GPC6: variants seen among roughly 807,000 people sequenced by gnomAD.
GPC6 encodes glypican 6.
Under a neutral mutation model 55.2 loss-of-function variants are expected in GPC6, and 14 were observed. That is an observed-to-expected ratio of 0.25 (90% CI 0.17 to 0.40). The LOEUF is 0.40. GPC6 is among the 10% of genes least tolerant of loss of function. The probability of loss-of-function intolerance (pLI) is 1.00; values close to 1 mark genes in which losing one functional copy is unlikely to be tolerated. For missense variants in GPC6, 641 were observed against 708.5 expected (o/e 0.90, Z 1.08); for synonymous variants, 278 against 259.6 (o/e 1.07, Z -0.68).
chr13:94,138,939 A>G (rs1486853117), intron 4 of GPC6, among the ~76,000 whole-genome samples: 2 of 152,158 alleles, frequency 1.3e-5, no homozygotes, highest in African/African-American at 2.4e-5. Context: ...ATAACTTACT[A>G]TATACCGGGA....
chr13:93,419,949 A>C (rs1876865686), intron 1 of GPC6, among the ~76,000 whole-genome samples: 1 of 152,112 alleles, frequency 6.6e-6, no homozygotes, highest in South Asian at 2.1e-4. Flanking sequence ...TAAGAAGGAA[A>C]GATTAATTGT....
chr13:94,236,789 T>G (rs1018775295), intron 4 of GPC6, among the ~76,000 whole-genome samples: 1 of 152,072 alleles, frequency 6.6e-6, no homozygotes, highest in Non-Finnish European at 1.5e-5. Context: ...GTCTAAACTC[T>G]GAGGTAGAAA....
At chr13:93,354,409 GGCGC>G (rs1372954170) in intron 1 of GPC6, among the ~76,000 whole-genome samples, 5 of 143,440 alleles carry the variant, frequency 3.5e-5, no homozygotes, top group African/African-American at 1.3e-4. Flanking sequence ...GGAGTGCAGT[GGCGC>G]GATCTCAGCT....
intron 3 of GPC6, among the ~76,000 whole-genome samples, chr13:93,940,619 ATGGAATGTGTGAACG>A (rs1276223384): frequency 6.6e-5 from 10 of 152,194 alleles, no homozygotes; most frequent in Non-Finnish European, 1.5e-4. Context: ...CACCAAACAA[ATGGAATGTGTGAACG>A]TTGTTTGTAT....
chr13:94,165,928 G>A (rs1888353094), intron 4 of GPC6, among the ~76,000 whole-genome samples: 1 of 152,084 alleles, frequency 6.6e-6, no homozygotes, highest in African/African-American at 2.4e-5. Flanking sequence ...CATATTTTGT[G>A]TATATGAATT....
intron 3 of GPC6, among the ~76,000 whole-genome samples, chr13:93,923,689 T>A (rs1877694730): frequency 6.6e-6 from 1 of 152,190 alleles, no homozygotes; most frequent in South Asian, 2.1e-4. Flanking sequence ...ATGTTTTCGC[T>A]ATTCAGATAG....
chr13:93,441,788 T>C (rs1333639928), intron 1 of GPC6, among the ~76,000 whole-genome samples: 2 of 152,218 alleles, frequency 1.3e-5, no homozygotes, highest in Non-Finnish European at 2.9e-5. Context: ...TCCTGAATGG[T>C]ATTGCCTAGA....
intron 4 of GPC6, among the ~76,000 whole-genome samples, chr13:94,040,252 A>G (rs890638004): frequency 2.6e-5 from 4 of 151,812 alleles, no homozygotes; most frequent in African/African-American, 9.7e-5. Flanking sequence ...CAAGAATATC[A>G]CAAAGCAGCC....
rs144137814 is a variant in GPC6 at position 93,544,551 on chromosome 13, G to A, written c.161-712G>A. Among the ~76,000 whole-genome samples the A allele has an allele frequency of 2.6e-3, 390 of 152,280 alleles. 1 individual carries two copies. The highest frequency in any genetic ancestry group is 9.1e-3 in the African/African-American group (377 of 41,566). ...TAACAGGCCATTTTAATTTCATGAA[G>A]CAAAGGATTGGCTTCTACTTGCAAA... On this transcript the variant is annotated intron_variant, in intron 1 of 8. Transcript: ENST00000377047.
intron 1 of GPC6, among the ~76,000 whole-genome samples, chr13:93,410,190 A>G (rs1876442808): frequency 6.6e-6 from 1 of 152,178 alleles, no homozygotes; most frequent in African/African-American, 2.4e-5. Context: ...CTTCTCTCAG[A>G]TAGGAATCTT....
intron 2 of GPC6, among the ~76,000 whole-genome samples, chr13:93,804,715 C>T (rs1033823316): frequency 5.3e-5 from 8 of 152,104 alleles, no homozygotes; most frequent in Non-Finnish European, 8.8e-5. Context: ...TTCGCCTATC[C>T]CAAATCAACC....
At chr13:94,073,716 C>A (rs930267391) in intron 4 of GPC6, among the ~76,000 whole-genome samples, 61 of 152,128 alleles carry the variant, frequency 4.0e-4, no homozygotes, top group African/African-American at 1.5e-3. Flanking sequence ...TCCTGGACCG[C>A]TAGGAGACCA....
chr13:94,372,546 C>G (rs529840652), intron 6 of GPC6, among the ~76,000 whole-genome samples: 4 of 152,206 alleles, frequency 2.6e-5, no homozygotes, highest in African/African-American at 7.2e-5. Context: ...TATCCCGCAC[C>G]TGGCTCGGAG....
intron 4 of GPC6, among the ~76,000 whole-genome samples, chr13:94,089,291 C>T (rs114572462): frequency 0.017 from 2,587 of 152,244 alleles, 73 homozygotes; most frequent in African/African-American, 0.058. Flanking sequence ...GTCAGAGCCC[C>T]TACCAAGGAA....
intron 3 of GPC6, among the ~76,000 whole-genome samples, chr13:93,949,564 C>A (rs1230444386): frequency 6.6e-6 from 1 of 152,134 alleles, no homozygotes; most frequent in Middle Eastern, 3.2e-3. Context: ...TCACCTTTAA[C>A]CTGACTTAAT....
In GPC6 at chr13:94,403,403, C is replaced by T; in HGVS notation, c.*186C>T. 1 of 648,622 alleles carries T rather than the reference C, an allele frequency of 1.5e-6. No individual in the cohort carries two copies. Among genetic ancestry groups the T allele is most frequent in the South Asian group, 1.7e-5 (1 of 59,654 alleles). The allele number at this position is 648,622 out of a possible 1,614,324, so 40.2% of individuals were successfully genotyped here. A position where few individuals can be genotyped will look rare whatever the true frequency, so the allele number is the denominator to read the frequency against. ...GAGTACCGGGTGCCAGACTGAACTGCTTCCTCTTTCCTTCAGCTATCTGTG... is the reference window on the plus strand; with the variant it reads ...GAGTACCGGGTGCCAGACTGAACTGTTTCCTCTTTCCTTCAGCTATCTGTG... On this transcript the variant is annotated 3_prime_UTR_variant, in exon 9 of 9. Transcript: ENST00000377047.
intron 4 of GPC6, among the ~76,000 whole-genome samples, chr13:94,193,216 A>G (rs1889457799): frequency 6.6e-6 from 1 of 152,128 alleles, no homozygotes; most frequent in Non-Finnish European, 1.5e-5. Context: ...CTGTTTCCTA[A>G]TAGTTTGTAT....
At chr13:93,671,984 T>C (rs1881377544) in intron 2 of GPC6, among the ~76,000 whole-genome samples, 1 of 152,146 alleles carries the variant, frequency 6.6e-6, no homozygotes, top group Admixed American at 6.6e-5. Context: ...GATGACACTA[T>C]GATTAGTTCT....
At chr13:93,663,853 A>G (rs953167592) in intron 2 of GPC6, among the ~76,000 whole-genome samples, 5 of 152,200 alleles carry the variant, frequency 3.3e-5, no homozygotes, top group African/African-American at 1.2e-4. Context: ...TTTTACCTGC[A>G]AAAGAAGTAG....
Sources: gnomAD v4.1 joint callset for allele counts (sites outside exome capture counted in the v4.1 genomes callset) on GRCh38, gnomAD v4.1.1 for gene constraint, MANE v1.5 for transcripts, NCBI Gene and HGNC (gene_info 2026-07-23, HGNC 2026-07-21) for gene names.